SLC2A14: variants seen among roughly 807,000 people sequenced by gnomAD.
SLC2A14 encodes solute carrier family 2, facilitated glucose transporter member 14.
Under a neutral mutation model 43.0 loss-of-function variants are expected in SLC2A14, and 13 were observed. The ratio of observed to expected loss-of-function variants is 0.30; its 90% CI spans 0.20 to 0.48. The LOEUF (loss-of-function observed/expected upper bound fraction) is 0.48, where lower values mean the gene tolerates loss of function less well. Ranked by LOEUF, SLC2A14 falls within the 20% of genes least tolerant of loss-of-function variation. The pLI is 0.99. For missense variants in SLC2A14, 428 were observed against 620.4 expected, an observed-to-expected ratio of 0.69 and a Z score of 3.29; for synonymous variants, 190 against 233.8, an observed-to-expected ratio of 0.81 and a Z score of 1.71.
At chr12:7,845,127 C>T (rs950478557) in intron 2 of SLC2A14, among the ~76,000 whole-genome samples, 9 of 152,078 alleles carry the variant, frequency 5.9e-5, no homozygotes, top group Non-Finnish European at 1.3e-4. Context: ...ATTTCACTAG[C>T]CTCGTGAATG....
chr12:7,871,319 A>C, intron 1 of SLC2A14: 1 of 1,055,556 alleles, frequency 9.5e-7, no homozygotes, highest in African/African-American at 1.7e-5. Context: ...AGACAAGTTC[A>C]ACTAGGTGGA....
At chr12:7,882,593 G>A (rs779804421) in intron 1 of SLC2A14, among the ~76,000 whole-genome samples, 1 of 152,082 alleles carries the variant, frequency 6.6e-6, no homozygotes. Context: ...AGCACTCTGG[G>A]AGGCTGAGGC....
chr12:7,817,808 A>T (rs1455800251), intron 10 of SLC2A14, 23 bp downstream of exon 10: 3 of 1,613,620 alleles, frequency 1.9e-6, no homozygotes, highest in Non-Finnish European at 2.5e-6. Flanking sequence ...ACATAGATAC[A>T]TAGATAAGGT....
chr12:7,841,804 G>A (rs1348823726), intron 2 of SLC2A14, among the ~76,000 whole-genome samples: 2 of 151,834 alleles, frequency 1.3e-5, no homozygotes, highest in Non-Finnish European at 2.9e-5. Flanking sequence ...TCAGGAGTTC[G>A]ACACCAGCCC....
In SLC2A14 at chr12:7,822,223, C is replaced by T. The variant is rs142525710; in HGVS notation, c.865-898G>A. Among the ~76,000 whole-genome samples the T allele has an allele frequency of 4.3e-3, 655 of 151,654 alleles. 22 individuals carry two copies. The East Asian group carries it at 0.06, about 14-fold the overall frequency. On this transcript the variant is annotated intron_variant, in intron 7 of 10. Coordinates refer to ENST00000431042, the MANE Select transcript of SLC2A14 (RefSeq NM_001286234.2). The stretch of plus-strand genomic sequence containing the variant: ...ATCCACCCACCTCAGCCTCCCAAAG[C>T]GCTAGGATTACAGGCGTGAGCCACT...
At chr12:7,823,322 G>A (rs2120704747) in intron 7 of SLC2A14, among the ~76,000 whole-genome samples, 1 of 151,362 alleles carries the variant, frequency 6.6e-6, no homozygotes, top group Non-Finnish European at 1.5e-5. Context: ...GGTGGAGGTT[G>A]CAGTGAACTG....
intron 2 of SLC2A14, among the ~76,000 whole-genome samples, chr12:7,838,764 A>T (rs1264290851): frequency 1.3e-5 from 2 of 152,204 alleles, no homozygotes; most frequent in Non-Finnish European, 2.9e-5. Flanking sequence ...AGTGTTATGG[A>T]CTAAATTGTG....
At chr12:7,831,124 CAAA>C (rs60468169) in intron 4 of SLC2A14, 2 of 120,358 alleles carry the variant, frequency 1.7e-5, no homozygotes, top group Non-Finnish European at 3.5e-5. Flanking sequence ...GACTCCATCT[CAAA>C]AAAAAAAAAA....
intron 6 of SLC2A14, 130 bp downstream of exon 6, chr12:7,828,573 TA>T: frequency 4.1e-6 from 4 of 986,392 alleles, no homozygotes; most frequent in Non-Finnish European, 5.9e-6. Flanking sequence ...CAAAGTAGAG[TA>T]ATCAGAACCA....
At chr12:7,851,464 T>C (rs1866932962) in intron 2 of SLC2A14, among the ~76,000 whole-genome samples, 1 of 152,114 alleles carries the variant, frequency 6.6e-6, no homozygotes, top group African/African-American at 2.4e-5. Flanking sequence ...CTGGTTCATG[T>C]TTGGGTCTGG....
chr12:7,825,035 C>G (rs760783532), intron 7 of SLC2A14, among the ~76,000 whole-genome samples: 3 of 152,042 alleles, frequency 2.0e-5, no homozygotes, highest in Admixed American at 2.0e-4. Context: ...CCCTCTTACA[C>G]GGAGACTCTG....
intron 7 of SLC2A14, among the ~76,000 whole-genome samples, chr12:7,822,116 G>A (rs772676709): frequency 3.3e-5 from 5 of 150,952 alleles, no homozygotes; most frequent in South Asian, 4.2e-4. Context: ...GAGCCACCAC[G>A]CCTGGCCAAT....
At chr12:7,832,931 G>T in intron 2 of SLC2A14, 117 bp from the exon 3 acceptor site, 1 of 922,066 alleles carries the variant, frequency 1.1e-6, no homozygotes, top group South Asian at 1.7e-5. Context: ...GGTATGAAAA[G>T]GACAAACATC....
chr12:7,829,350 A>G (rs1320261263), intron 5 of SLC2A14, among the ~76,000 whole-genome samples: 2 of 152,120 alleles, frequency 1.3e-5, no homozygotes, highest in Non-Finnish European at 2.9e-5. Flanking sequence ...ACCTGAGGTC[A>G]GGAGTTTGAG....
intron 2 of SLC2A14, among the ~76,000 whole-genome samples, chr12:7,862,438 A>G (rs34900677): frequency 0.029 from 4,371 of 152,096 alleles, 97 homozygotes; most frequent in Non-Finnish European, 0.044. Context: ...AGGGCTCGGG[A>G]CCTGCAGCCC....
At chr12:7,883,643 G>A (rs1945634297) in intron 1 of SLC2A14, among the ~76,000 whole-genome samples, 1 of 125,554 alleles carries the variant, frequency 8.0e-6, no homozygotes, top group Non-Finnish European at 1.6e-5. Context: ...TCACCAGGCT[G>A]GAGTGCAGTC....
intron 7 of SLC2A14, among the ~76,000 whole-genome samples, chr12:7,822,403 C>T (rs1366457556): frequency 6.6e-6 from 1 of 151,824 alleles, no homozygotes; most frequent in African/African-American, 2.4e-5. Flanking sequence ...TGCAGTGGCT[C>T]ACGCCTGCAA....
chr12:7,835,283 A>G (rs1339567739), intron 2 of SLC2A14, among the ~76,000 whole-genome samples: 1 of 152,188 alleles, frequency 6.6e-6, no homozygotes, highest in East Asian at 1.9e-4. Context: ...GCTACTCAGG[A>G]GACTGAGACA....
At chr12:7,831,926 T>C (rs899089746) in intron 3 of SLC2A14, among the ~76,000 whole-genome samples, 162 bp from the exon 4 acceptor site, 2 of 152,186 alleles carry the variant, frequency 1.3e-5, no homozygotes, top group Admixed American at 6.5e-5. Context: ...CTGACCAACA[T>C]GGTGAAACCC....
Sources: gnomAD v4.1 joint callset for allele counts (sites outside exome capture counted in the v4.1 genomes callset) on GRCh38, gnomAD v4.1.1 for gene constraint, MANE v1.5 for transcripts, NCBI Gene and HGNC (gene_info 2026-07-23, HGNC 2026-07-21) for gene names.